The following DCDC1 variants were observed in gnomAD, a reference collection of about 807,000 sequenced individuals.
DCDC1 encodes doublecortin domain containing 1, also known as doublecortin domain-containing protein 1.
A neutral mutation model predicts 178.3 loss-of-function variants in DCDC1; 200 were observed. The observed-to-expected ratio is 1.12, with a 90% CI of 1.00 to 1.26. DCDC1 has a LOEUF of 1.26. DCDC1 is among the 50% of genes most tolerant of loss of function. The pLI is 0.00. For synonymous variants in DCDC1, 690 were observed against 604.8 expected (o/e 1.14, Z -2.07); for missense variants, 1,983 against 1,749.2 (o/e 1.13, Z -2.38).
intron 6 of DCDC1, among the ~76,000 whole-genome samples, chr11:31,304,885 G>A (rs1035230280): frequency 2.0e-4 from 31 of 151,938 alleles, no homozygotes; most frequent in Admixed American, 1.9e-3. Flanking sequence ...CCAAACTCTG[G>A]GTACAACATG....
intron 21 of DCDC1, among the ~76,000 whole-genome samples, chr11:30,938,575 G>A (rs934166446): frequency 2.6e-5 from 4 of 151,898 alleles, no homozygotes; most frequent in Non-Finnish European, 4.4e-5. Flanking sequence ...GAACATGGGG[G>A]CTAATTACTT....
At chr11:31,213,100 C>CTCTCTCTCTCTCTCTCTCT (rs1972851664) in intron 9 of DCDC1, among the ~76,000 whole-genome samples, 1 of 44,242 alleles carries the variant, frequency 2.3e-5, no homozygotes. Context: ...TAAAGCCCAG[C>CTCTCTCTCTCTCTCTCTCT]CTCTCTCTCT....
At chr11:31,330,768 G>A (rs962170447) in intron 2 of DCDC1, among the ~76,000 whole-genome samples, 1 of 152,046 alleles carries the variant, frequency 6.6e-6, no homozygotes, top group African/African-American at 2.4e-5. Context: ...TCTCTGTTTT[G>A]TTACCAGTAC....
intron 9 of DCDC1, among the ~76,000 whole-genome samples, chr11:31,233,166 T>C (rs376741583): frequency 4.6e-5 from 7 of 152,196 alleles, no homozygotes; most frequent in Admixed American, 3.3e-4. Context: ...TGTCTTATTA[T>C]CTATAAAATG....
At chr11:30,881,455 G>A (rs1942661687) in intron 36 of DCDC1, 147 bp from the exon 37 acceptor site, 3 of 1,055,872 alleles carry the variant, frequency 2.8e-6, no homozygotes, top group Non-Finnish European at 4.0e-6. Flanking sequence ...GAAGAGATGG[G>A]AAGAAGGGCA....
At chr11:31,355,778 A>G (rs1231429746) in intron 1 of DCDC1, among the ~76,000 whole-genome samples, 1 of 152,114 alleles carries the variant, frequency 6.6e-6, no homozygotes, top group Non-Finnish European at 1.5e-5. Flanking sequence ...CATGTTGGCC[A>G]GGCCGGTCTC....
At chr11:31,325,074 A>C (rs1371659851) in intron 3 of DCDC1, among the ~76,000 whole-genome samples, 1 of 151,858 alleles carries the variant, frequency 6.6e-6, no homozygotes, top group Admixed American at 6.5e-5. Flanking sequence ...CATTCCTTAG[A>C]TGATAATTGG....
At chr11:31,321,360 C>T (rs1282981759) in intron 3 of DCDC1, among the ~76,000 whole-genome samples, 2 of 134,850 alleles carry the variant, frequency 1.5e-5, no homozygotes, top group Admixed American at 7.7e-5. Flanking sequence ...TCTCGTGGTG[C>T]GCCGTTTCTT....
At chr11:31,325,070 T>C (rs951958196) in intron 3 of DCDC1, among the ~76,000 whole-genome samples, 4 of 152,148 alleles carry the variant, frequency 2.6e-5, no homozygotes, top group Non-Finnish European at 5.9e-5. Context: ...ATCACATTCC[T>C]TAGATGATAA....
chr11:31,131,268 AT>A (rs1962402633), intron 10 of DCDC1, among the ~76,000 whole-genome samples: 1 of 151,972 alleles, frequency 6.6e-6, no homozygotes, highest in African/African-American at 2.4e-5. Flanking sequence ...GGAGAAGGTG[AT>A]TGGGGGAAAT....
intron 9 of DCDC1, chr11:31,215,247 T>C (rs1402238180): frequency 4.8e-6 from 1 of 206,972 alleles, no homozygotes; most frequent in Non-Finnish European, 1.0e-5. Context: ...CTGGGCAACA[T>C]AGTGAGACCC....
At chr11:30,919,415 C>T (rs1946084201) in intron 25 of DCDC1, among the ~76,000 whole-genome samples, 1 of 152,190 alleles carries the variant, frequency 6.6e-6, no homozygotes, top group African/African-American at 2.4e-5. Context: ...AACCCAATCA[C>T]TTTTAACCTC....
intron 20 of DCDC1, among the ~76,000 whole-genome samples, chr11:31,024,794 A>G (rs1455275125): frequency 6.6e-6 from 1 of 151,948 alleles, no homozygotes; most frequent in Non-Finnish European, 1.5e-5. Flanking sequence ...AAGTTCCCAT[A>G]CTATTAACAA....
intron 22 of DCDC1, among the ~76,000 whole-genome samples, chr11:30,931,485 C>T (rs1946917766): frequency 2.0e-5 from 3 of 151,936 alleles, no homozygotes; most frequent in Admixed American, 2.0e-4. Context: ...AACAAAAATG[C>T]TAATCCAAAT....
At chr11:31,242,171 AAAC>A (rs1465532256) in intron 8 of DCDC1, among the ~76,000 whole-genome samples, 3 of 151,988 alleles carry the variant, frequency 2.0e-5, no homozygotes, top group Non-Finnish European at 4.4e-5. Flanking sequence ...GCAGAATCTT[AAAC>A]AAGCATTTTA....
chr11:31,213,615 G>A (rs1973130100), intron 9 of DCDC1, among the ~76,000 whole-genome samples: 1 of 151,732 alleles, frequency 6.6e-6, no homozygotes, highest in South Asian at 2.1e-4. Flanking sequence ...AGCTATTCAG[G>A]AGGCTGAGGC....
Position 30,905,111 on chromosome 11 carries a change from A to G in DCDC1, c.4158T>C (p.Arg1386=), listed in dbSNP as rs1407717801. ...AGGTCTTCATCCGTAAAGACAATAGACGTGCTTGGTAGTAACTTAGAGTTT... is the reference window on the plus strand; with the variant it reads ...AGGTCTTCATCCGTAAAGACAATAGGCGTGCTTGGTAGTAACTTAGAGTTT... ...AEKTLSYYQA[R]LLSLRMKTCT... The change falls in exon 31 of 39, where the codon CGT becomes CGC. Residue 1386 remains arginine, a synonymous_variant. Coordinates refer to ENST00000684477, the MANE Select transcript of DCDC1 (RefSeq NM_001387274.1). The G allele has an allele frequency of 6.2e-7, 1 of 1,613,268 alleles. No homozygotes were observed.
chr11:30,868,766 C>T (rs1941259158), intron 38 of DCDC1, among the ~76,000 whole-genome samples: 1 of 152,158 alleles, frequency 6.6e-6, no homozygotes, highest in South Asian at 2.1e-4. Flanking sequence ...AGTAAATATG[C>T]TCAAAATTAT....
intron 20 of DCDC1, among the ~76,000 whole-genome samples, chr11:31,010,913 C>A (rs962468103): frequency 6.6e-6 from 1 of 151,558 alleles, no homozygotes; most frequent in Non-Finnish European, 1.5e-5. Flanking sequence ...TCATGAATAC[C>A]GTATAGATAT....
Sources: gnomAD v4.1 joint callset for allele counts (sites outside exome capture counted in the v4.1 genomes callset) on GRCh38, gnomAD v4.1.1 for gene constraint, MANE v1.5 for transcripts, NCBI Gene and HGNC (gene_info 2026-07-23, HGNC 2026-07-21) for gene names.